KCNH1: variants seen among roughly 807,000 people sequenced by gnomAD.
KCNH1 encodes the protein voltage-gated delayed rectifier potassium channel KCNH1.
In KCNH1, 27 loss-of-function variants were observed where a neutral mutation model predicts 69.2. The ratio of observed to expected loss-of-function variants is 0.39; its 90% CI spans 0.29 to 0.54. The LOEUF (loss-of-function observed/expected upper bound fraction) is 0.54. Among genes scored for constraint, KCNH1 ranks in the 20% least tolerant of loss-of-function variants. KCNH1 has a pLI of 0.68. For synonymous variants in KCNH1, 456 were observed against 487.7 expected (o/e 0.93, Z 0.86); for missense variants, 798 against 1,261.6 (o/e 0.63, Z 5.57).
chr1:211,020,564 AAAG>A (rs1319688241), intron 5 of KCNH1, among the ~76,000 whole-genome samples: 3 of 152,264 alleles, frequency 2.0e-5, no homozygotes, highest in Admixed American at 1.3e-4. Context: ...CCAAAGTTTT[AAAG>A]AAGAACTAGT....
At position 210,683,247 on chromosome 1, in the gene KCNH1, T is replaced by TATC. The variant is rs746624883; in HGVS notation, c.*31_*33dup. 4.4e-6 allele frequency: 7 copies of TATC among 1,592,972 alleles called. No individual in the cohort carries two copies. Among genetic ancestry groups the TATC allele is most frequent in the Non-Finnish European group, 6.0e-6 (7 of 1,169,578 alleles). On this transcript the variant is annotated 3_prime_UTR_variant, in exon 11 of 11. Transcript: ENST00000271751. The surrounding 1 kb of genome is among the most constrained non-coding windows in gnomAD (Gnocchi z 5.7). ...GTGGTGGTGACGGCAGGGTTGGAGGTATCTGTCTCTGACTTTTTTTTTAAA... is the reference window on the plus strand; with the variant it reads ...GTGGTGGTGACGGCAGGGTTGGAGGTATCATCTGTCTCTGACTTTTTTTTTAAA...
intron 6 of KCNH1, among the ~76,000 whole-genome samples, chr1:211,008,361 G>T (rs1689324665): frequency 6.6e-6 from 1 of 152,216 alleles, no homozygotes; most frequent in Non-Finnish European, 1.5e-5. Flanking sequence ...GAACTGCCCA[G>T]CTGAGCCAAG....
chr1:210,827,365 A>G (rs2102434366), intron 7 of KCNH1, among the ~76,000 whole-genome samples: 1 of 152,092 alleles, frequency 6.6e-6, no homozygotes, highest in Non-Finnish European at 1.5e-5. Flanking sequence ...AAAAAGAAAT[A>G]TCAGCTTTTA....
At chr1:211,041,157 ACCTT>A (rs1314672999) in intron 5 of KCNH1, among the ~76,000 whole-genome samples, 1 of 152,184 alleles carries the variant, frequency 6.6e-6, no homozygotes, top group Non-Finnish European at 1.5e-5. Context: ...ACCTCAAATC[ACCTT>A]CCAACGCATC....
chr1:210,892,093 T>C (rs1465556533), intron 7 of KCNH1, among the ~76,000 whole-genome samples: 1 of 151,856 alleles, frequency 6.6e-6, no homozygotes, highest in East Asian at 1.9e-4. Flanking sequence ...GGGATAGCAT[T>C]AGAAGAAATA....
intron 7 of KCNH1, among the ~76,000 whole-genome samples, chr1:210,819,604 GA>G (rs11344067): frequency 0.052 from 7,619 of 147,054 alleles, 390 homozygotes; most frequent in East Asian, 0.15. Flanking sequence ...AAAAGTTTAG[GA>G]AAAAAAAAAC....
chr1:210,999,548 G>A (rs137984632), intron 6 of KCNH1, among the ~76,000 whole-genome samples: 1 of 152,116 alleles, frequency 6.6e-6, no homozygotes, highest in Non-Finnish European at 1.5e-5. Flanking sequence ...AAAAAGTCCA[G>A]GACCAGATGG....
At chr1:210,905,574 C>A (rs1261281098) in intron 7 of KCNH1, among the ~76,000 whole-genome samples, 2 of 152,060 alleles carry the variant, frequency 1.3e-5, no homozygotes, top group Admixed American at 1.3e-4. Context: ...TGAACTGAGA[C>A]TATTGCCAAC....
At position 211,039,623 on chromosome 1, in the gene KCNH1, C is replaced by T. The variant is rs185284822; in HGVS notation, c.559-20367G>A. Among the ~76,000 whole-genome samples, 503 of 152,286 alleles carry T rather than the reference C, an allele frequency of 3.3e-3. 4 individuals carry two copies. The highest frequency in any genetic ancestry group is 0.012 in the African/African-American group (481 of 41,564). ...AACGTAACTCTTGCATCAGCGTGAC[C>T]TGGATGTGAGACCTGGAATCAAAGG... is the stretch of plus-strand genomic sequence containing the variant. On this transcript the variant is annotated intron_variant, in intron 5 of 10. Transcript: ENST00000271751.
chr1:210,725,421 C>T (rs1210133879), intron 10 of KCNH1, among the ~76,000 whole-genome samples: 2 of 152,158 alleles, frequency 1.3e-5, no homozygotes, highest in East Asian at 3.8e-4. Context: ...AATGTCCAGA[C>T]TCAGATCTAA....
At chr1:210,933,054 A>G (rs1407241212) in intron 6 of KCNH1, among the ~76,000 whole-genome samples, 1 of 152,222 alleles carries the variant, frequency 6.6e-6, no homozygotes, top group African/African-American at 2.4e-5. Flanking sequence ...TGCAGAATAC[A>G]TATTTCTGTT....
At chr1:211,035,236 C>CTTTTTTTTTTTTTTT (rs765170558) in intron 5 of KCNH1, among the ~76,000 whole-genome samples, 1 of 75,056 alleles carries the variant, frequency 1.3e-5, no homozygotes, top group Non-Finnish European at 2.4e-5. Flanking sequence ...TACTGGCATT[C>CTTTTTTTTTTTTTTT]TTTTTTTTTT....
intron 7 of KCNH1, among the ~76,000 whole-genome samples, chr1:210,838,353 T>C (rs752699036): frequency 6.6e-6 from 1 of 152,076 alleles, no homozygotes; most frequent in Non-Finnish European, 1.5e-5. Context: ...TAAAGATGGA[T>C]TAAAAACTTA....
rs112047226 is a variant in KCNH1, at chr1:210,683,803, C to A, written c.2448G>T (p.Ala816=). ...TGGGGCCCAGGCACTCGGACCCTGG[C>A]GCCTGTAGCTTTGCGTGGTCTGGCA... ...SGVPDHAKLQ[A]PGSECLGPKG... The change falls in exon 11 of 11, where the codon GCG becomes GCT. Residue 816 remains alanine, a synonymous_variant. Coordinates refer to ENST00000271751, the MANE Select transcript of KCNH1 (RefSeq NM_172362.3). This position sits in a 1 kb window ranked among gnomAD's most constrained non-coding sequence, Gnocchi z 5.7. 1 of 1,613,616 alleles carries A rather than the reference C, an allele frequency of 6.2e-7. No individual in the cohort carries two copies. Among genetic ancestry groups the A allele is most frequent in the Admixed American group, 1.7e-5 (1 of 60,012 alleles).
At position 211,045,273 on chromosome 1, in the gene KCNH1, T is replaced by C. The variant is rs573493490; in HGVS notation, c.559-26017A>G. 1.5e-4 allele frequency among the ~76,000 whole-genome samples: 23 copies of C among 150,258 alleles called. No homozygotes were observed. The South Asian group carries it at 4.9e-3, about 32-fold the overall frequency. ...AACTTCGGAGACTCCGGGGAAAGGG[T>C]GAAAAGGGAGTGAGGAATAAAATAC... On this transcript the variant is annotated intron_variant, in intron 5 of 10. Coordinates refer to ENST00000271751, the MANE Select transcript of KCNH1 (RefSeq NM_172362.3).
chr1:211,061,189 A>G (rs1690427087), intron 5 of KCNH1, among the ~76,000 whole-genome samples: 1 of 152,232 alleles, frequency 6.6e-6, no homozygotes, highest in African/African-American at 2.4e-5. Context: ...GCATATCAAC[A>G]GAATGAAGGA....
At chr1:210,968,588 T>C (rs1688453459) in intron 6 of KCNH1, among the ~76,000 whole-genome samples, 1 of 151,236 alleles carries the variant, frequency 6.6e-6, no homozygotes, top group Non-Finnish European at 1.5e-5. Context: ...TATCTCATTG[T>C]GGTTTTGATT....
intron 8 of KCNH1, among the ~76,000 whole-genome samples, chr1:210,800,228 T>C (rs1165361927): frequency 5.3e-5 from 8 of 152,112 alleles, no homozygotes; most frequent in Admixed American, 5.2e-4. Flanking sequence ...TTGGGCAGAG[T>C]GCTTGCTAAG....
chr1:210,750,810 GGATGGGCAGA>G (rs1230173855), intron 10 of KCNH1, among the ~76,000 whole-genome samples: 91 of 152,248 alleles, frequency 6.0e-4, no homozygotes, highest in African/African-American at 2.1e-3. Context: ...AGAGCAAACT[GGATGGGCAGA>G]TACTATTAGA....
Sources: allele counts gnomAD v4.1 joint callset (sites outside exome capture counted in the v4.1 genomes callset), GRCh38; gene constraint gnomAD v4.1.1; non-coding constraint Gnocchi (gnomAD v3.1); transcripts MANE v1.5; gene names NCBI Gene and HGNC (gene_info 2026-07-23, HGNC 2026-07-21).